CACNA1A: variants seen among roughly 807,000 people sequenced by gnomAD.
The protein encoded by CACNA1A is calcium voltage-gated channel subunit alpha1 A, also known as voltage-dependent P/Q-type calcium channel subunit alpha-1A.
In CACNA1A, 57 loss-of-function variants were observed where a neutral mutation model predicts 262.4. The ratio of observed to expected loss-of-function variants is 0.22; its 90% CI spans 0.18 to 0.27. The LOEUF is 0.27. Ranked by LOEUF, CACNA1A falls within the 10% of genes least tolerant of loss-of-function variation. CACNA1A has a pLI of 1.00. For synonymous variants in CACNA1A, 1,431 were observed against 1,419.3 expected (o/e 1.01, Z -0.18); for missense variants, 2,526 against 3,562.8 (o/e 0.71, Z 7.41).
intron 1 of CACNA1A, among the ~76,000 whole-genome samples, chr19:13,470,254 G>A (rs111489119): frequency 0.054 from 8,154 of 152,038 alleles, 300 homozygotes; most frequent in Non-Finnish European, 0.072. Context: ...ACGTGTTCCT[G>A]CCACTTCCTC....
intron 36 of CACNA1A, chr19:13,229,541 T>C (rs2055590831): frequency 6.5e-6 from 1 of 152,674 alleles, no homozygotes; most frequent in Non-Finnish European, 1.5e-5. Context: ...CCCACTCCCT[T>C]TGTGGCCACA....
intron 5 of CACNA1A, chr19:13,363,898 C>T (rs2059157804): frequency 1.3e-5 from 2 of 152,280 alleles, no homozygotes; most frequent in Non-Finnish European, 2.9e-5. Context: ...TCCCTTCCTA[C>T]TTGATTCCAT....
intron 24 of CACNA1A, among the ~76,000 whole-genome samples, chr19:13,268,893 C>CTTTT (rs3050832): frequency 3.1e-3 from 332 of 107,840 alleles, no homozygotes; most frequent in Non-Finnish European, 4.4e-3. Context: ...ATAGATTCTA[C>CTTTT]TTTTTTTTTT....
At chr19:13,292,101 C>A (rs773568814) in intron 19 of CACNA1A, among the ~76,000 whole-genome samples, 22 of 152,144 alleles carry the variant, frequency 1.4e-4, no homozygotes, top group African/African-American at 4.1e-4. Context: ...GAAGCTCTGT[C>A]CTCCATAGAT....
chr19:13,212,216 A>C lies in CACNA1A; in HGVS notation c.6190T>G (p.Ser2064Ala). Residue 2064 changes from serine (S) to alanine (A), a missense_variant and splice_region_variant, in exon 43 of 47, where the codon TCC becomes GCC. By Grantham distance (99) the Ser-to-Ala change is moderately conservative (BLOSUM62 1). Transcript: ENST00000360228. The surrounding 1 kb of genome is among the most constrained non-coding windows in gnomAD (Gnocchi z 5.6). ...DMPNSQPNSQ[S>A]VEMREMGRDG... ...CTGCCCATCTCTCGCATCTCCACGG[A>C]CTGCGGAGCAGATGGCAAAGCCAGA... The C allele has an allele frequency of 6.2e-7, 1 of 1,612,836 alleles. No homozygotes were observed. Among genetic ancestry groups the C allele is most frequent in the Non-Finnish European group, 8.5e-7 (1 of 1,178,932 alleles).
At chr19:13,491,168 A>G in intron 1 of CACNA1A, among the ~76,000 whole-genome samples, 1 of 152,172 alleles carries the variant, frequency 6.6e-6, no homozygotes, top group East Asian at 1.9e-4. Flanking sequence ...CTGGGTTTTT[A>G]TCCTTGCTGT....
intron 1 of CACNA1A, among the ~76,000 whole-genome samples, chr19:13,480,575 T>C (rs569801524): frequency 2.6e-5 from 4 of 152,224 alleles, no homozygotes; most frequent in East Asian, 1.9e-4. Flanking sequence ...ACACCTGTAA[T>C]CCTAGCACTT....
rs911081693 is a variant in CACNA1A, at chr19:13,214,692, G to A, written c.5732-84C>T. 1.0e-5 allele frequency: 11 copies of A among 1,053,604 alleles called. No individual in the cohort carries two copies. The highest frequency in any genetic ancestry group is 1.6e-5 in the African/African-American group (1 of 63,792). 65.3% of individuals were successfully genotyped at this position (1,053,604 alleles called of 1,614,324 possible). A position where few individuals can be genotyped will look rare whatever the true frequency, so the allele number is the denominator to read the frequency against. On this transcript the variant is annotated intron_variant, in intron 38 of 46. Coordinates refer to ENST00000360228, the MANE Select transcript of CACNA1A (RefSeq NM_001127222.2). The surrounding 1 kb of genome is among the most constrained non-coding windows in gnomAD (Gnocchi z 4.1). ...GTCAGCTGCAAAGCCATAGGCTCCC[G>A]AGAACGAGACCCCAATCTTTCTGGT... is the stretch of plus-strand genomic sequence containing the variant.
intron 3 of CACNA1A, among the ~76,000 whole-genome samples, chr19:13,413,102 T>G (rs1224691347): frequency 1.7e-5 from 1 of 58,506 alleles, no homozygotes; most frequent in Non-Finnish European, 3.7e-5. Flanking sequence ...AGTTTTTTGT[T>G]TTTTTTTTTT....
chr19:13,234,839 A>T, intron 34 of CACNA1A, 82 bp downstream of exon 34: 1 of 930,850 alleles, frequency 1.1e-6, no homozygotes, highest in Non-Finnish European at 1.8e-6. Context: ...AGAGGAGGGT[A>T]CATCCTCTAT....
At position 13,424,356 on chromosome 19, in the gene CACNA1A, T is replaced by C. The variant is rs139384328; in HGVS notation, c.539+28520A>G. 6.6e-3 allele frequency among the ~76,000 whole-genome samples: 1,001 copies of C among 151,974 alleles called. 13 individuals carry two copies. Among genetic ancestry groups the C allele is most frequent in the African/African-American group, 0.023 (935 of 41,458 alleles). ...TGCACTCCAGCCTGGGCAACAAGAG[T>C]GAGACTCCGTCACAAACAAACAAAC... On this transcript the variant is annotated intron_variant, in intron 3 of 46. Transcript: ENST00000360228.
rs1057064270 is a variant in CACNA1A, at chr19:13,379,393, G to A, written c.540-7614C>T. The stretch of plus-strand genomic sequence containing the variant: ...TGCACTGGGAAACCAAAAAAGGCAC[G>A]ACTCCCTTTATTGCAATATTCGCTT... On this transcript the variant is annotated intron_variant, in intron 3 of 46. Transcript: ENST00000360228. Among the ~76,000 whole-genome samples, 5 of 152,030 alleles carry A rather than the reference G, an allele frequency of 3.3e-5. 1 individual carries two copies. Among genetic ancestry groups the A allele is most frequent in the Non-Finnish European group, 7.4e-5 (5 of 68,016 alleles).
chr19:13,506,115 C>T lies in CACNA1A; in HGVS notation c.110G>A (p.Arg37Gln), dbSNP rs1391039223. The change falls in exon 1 of 47, where the codon CGG becomes CAG. Residue 37 changes from arginine (R) to glutamine (Q), a missense_variant. Around this residue, in one of 17 missense-constraint regions of CACNA1A, gnomAD observed 65 missense variants for 75.6 expected, o/e 0.86. Coordinates refer to ENST00000360228, the MANE Select transcript of CACNA1A (RefSeq NM_001127222.2). ...TTGCGCCCCGGGCTGCCCGCCCTGC[C>T]GGCTGCCCCCGGCTCCTCGCCCGCC... Reference protein sequence around the residue: ...SGGGRGAGGSRQGGQPGAQRM... With the variant: ...SGGGRGAGGSQQGGQPGAQRM... The T allele has an allele frequency of 1.9e-6, 3 of 1,608,624 alleles. No homozygotes were observed. The highest frequency in any genetic ancestry group is 2.5e-6 in the Non-Finnish European group (3 of 1,177,684).
intron 3 of CACNA1A, among the ~76,000 whole-genome samples, chr19:13,405,059 G>A (rs888170007): frequency 2.6e-5 from 4 of 151,838 alleles, no homozygotes; most frequent in Admixed American, 1.3e-4. Flanking sequence ...CACCACACCC[G>A]GCTAATTTTT....
chr19:13,487,076 C>T (rs954706934), intron 1 of CACNA1A, among the ~76,000 whole-genome samples: 2 of 152,220 alleles, frequency 1.3e-5, no homozygotes, highest in African/African-American at 4.8e-5. Flanking sequence ...GGCGCCTCAT[C>T]CCAGCTCCAG....
chr19:13,212,835 C>CACACAT lies in CACNA1A; in HGVS notation c.5941-96_5941-95insATGTGT. On this transcript the variant is annotated intron_variant, in intron 40 of 46. Coordinates refer to ENST00000360228, the MANE Select transcript of CACNA1A (RefSeq NM_001127222.2). This position sits in a 1 kb window ranked among gnomAD's most constrained non-coding sequence, Gnocchi z 5.6. ...TTGCGACATCCCCAGTATACACACACACACACACACACACTCTCTCAGGTC... is the reference window on the plus strand; with the variant it reads ...TTGCGACATCCCCAGTATACACACACACACATACACACACACACACTCTCTCAGGTC... 1.7e-6 allele frequency: 1 copy of CACACAT among 580,348 alleles called. No homozygotes were observed. 35.9% of individuals were successfully genotyped at this position (580,348 alleles called of 1,614,324 possible). A position where few individuals can be genotyped will look rare whatever the true frequency, so the allele number is the denominator to read the frequency against.
At chr19:13,426,859 G>A (rs1326951229) in intron 3 of CACNA1A, among the ~76,000 whole-genome samples, 1 of 152,130 alleles carries the variant, frequency 6.6e-6, no homozygotes, top group Non-Finnish European at 1.5e-5. Context: ...AAACCCAAGG[G>A]AATGGTGTCC....
Position 13,458,449 on chromosome 19 carries a change from C to G in CACNA1A, c.294-3237G>C, listed in dbSNP as rs573478038. Among the ~76,000 whole-genome samples, 6 of 152,128 alleles carry G rather than the reference C, an allele frequency of 3.9e-5. No homozygotes were observed. In the South Asian group the frequency reaches 1.2e-3, roughly 32 times the overall value. On this transcript the variant is annotated intron_variant, in intron 1 of 46. Coordinates refer to ENST00000360228, the MANE Select transcript of CACNA1A (RefSeq NM_001127222.2). ...TACAGGCATGAGCCACTGTGCCCAG[C>G]CCTAAATGTCACTTTAAAATGGTTA...
chr19:13,284,771 A>G (rs2057363873), intron 21 of CACNA1A, among the ~76,000 whole-genome samples: 1 of 152,206 alleles, frequency 6.6e-6, no homozygotes, highest in Non-Finnish European at 1.5e-5. Context: ...TTTATGACAA[A>G]TTTATTTGTT....
Sources: allele counts gnomAD v4.1 joint callset (sites outside exome capture counted in the v4.1 genomes callset), GRCh38; gene constraint gnomAD v4.1.1; regional missense constraint gnomAD v4.1.1; non-coding constraint Gnocchi (gnomAD v3.1); transcripts MANE v1.5; gene names NCBI Gene and HGNC (gene_info 2026-07-23, HGNC 2026-07-21).